The following DNA2 variants were observed in gnomAD, a reference collection of about 807,000 sequenced individuals.
The protein encoded by DNA2 is DNA replication helicase/nuclease 2, also known as DNA replication ATP-dependent helicase/nuclease DNA2.
A neutral mutation model predicts 119.1 loss-of-function variants in DNA2; 101 were observed. The ratio of observed to expected loss-of-function variants is 0.85; its 90% CI spans 0.72 to 1.00. The LOEUF (loss-of-function observed/expected upper bound fraction) is 1.00. Ranked by LOEUF, DNA2 falls within the 50% of genes least tolerant of loss-of-function variation. DNA2 has a pLI of 0.00. For missense variants in DNA2, 1,121 were observed against 1,255.5 expected (o/e 0.89, Z 1.62); for synonymous variants, 366 against 424.4 (o/e 0.86, Z 1.69).
At chr10:68,426,739 T>C (rs993860091) in intron 14 of DNA2, among the ~76,000 whole-genome samples, 15 of 151,652 alleles carry the variant, frequency 9.9e-5, no homozygotes, top group Non-Finnish European at 1.9e-4. Context: ...CTTGGGAGGC[T>C]GAGGCAGGAG....
At chr10:68,424,143 C>G (rs2051703247) in intron 14 of DNA2, among the ~76,000 whole-genome samples, 1 of 151,734 alleles carries the variant, frequency 6.6e-6, no homozygotes, top group South Asian at 2.1e-4. Flanking sequence ...GAATATGAAC[C>G]AAAAAACAAA....
chr10:68,426,396 G>A (rs1242270257), intron 14 of DNA2, among the ~76,000 whole-genome samples: 1 of 151,836 alleles, frequency 6.6e-6, no homozygotes, highest in Non-Finnish European at 1.5e-5. Context: ...AAATTAGCCA[G>A]GTATGGTGGC....
At chr10:68,455,271 T>G (rs2052168741) in intron 5 of DNA2, among the ~76,000 whole-genome samples, 2 of 152,050 alleles carry the variant, frequency 1.3e-5, no homozygotes, top group South Asian at 4.2e-4. Context: ...TACAGAACAT[T>G]CACAGAGACC....
intron 11 of DNA2, 31 bp downstream of exon 11, chr10:68,432,363 G>A (rs778199793): frequency 2.0e-5 from 31 of 1,561,030 alleles, no homozygotes; most frequent in Non-Finnish European, 2.6e-5. Context: ...GAAAAGTGGA[G>A]TGAAATTCAA....
chr10:68,448,917 T>C (rs1166246708), intron 6 of DNA2, among the ~76,000 whole-genome samples: 2 of 150,912 alleles, frequency 1.3e-5, no homozygotes, highest in Non-Finnish European at 3.0e-5. Context: ...ACTACAGGCA[T>C]GTGCCACCAC....
intron 6 of DNA2, among the ~76,000 whole-genome samples, chr10:68,448,932 GGTGTGTGTGTGTGTGT>G (rs776191186): frequency 1.4e-5 from 2 of 142,202 alleles, no homozygotes; most frequent in Non-Finnish European, 3.0e-5. Flanking sequence ...CACCACACCA[GGTGTGTGTGTGTGTGT>G]GTGTGTGTGT....
intron 1 of DNA2, among the ~76,000 whole-genome samples, chr10:68,471,078 T>G (rs2052376502): frequency 6.6e-6 from 1 of 152,194 alleles, no homozygotes; most frequent in South Asian, 2.1e-4. Context: ...GTCTTCCCCG[T>G]TTGACTGAGG....
chr10:68,421,832 A>C (rs1333833716), intron 17 of DNA2, among the ~76,000 whole-genome samples: 2 of 149,406 alleles, frequency 1.3e-5, no homozygotes, highest in African/African-American at 5.0e-5. Context: ...TTTTCCCCCC[A>C]AGATGGGAGT....
At chr10:68,423,665 G>A (rs1243885296) in intron 14 of DNA2, among the ~76,000 whole-genome samples, 7 of 152,264 alleles carry the variant, frequency 4.6e-5, no homozygotes, top group South Asian at 2.1e-4. Flanking sequence ...CCCACCAGGC[G>A]GGTGTCAGAG....
In DNA2 at chr10:68,465,820, A is replaced by C. The variant is rs764249450; in HGVS notation, c.442-8T>G. ...TGTGGCTGGATCAGAGCTCTACAAAAGCAAATCACACAGTTTATTTCACAA... is the reference window on the plus strand; with the variant it reads ...TGTGGCTGGATCAGAGCTCTACAAACGCAAATCACACAGTTTATTTCACAA... On this transcript the variant is annotated splice_polypyrimidine_tract_variant and splice_region_variant and intron_variant, in intron 3 of 20. Transcript: ENST00000358410. 6.6e-7 allele frequency: 1 copy of C among 1,518,012 alleles called. No individual in the cohort carries two copies. Among genetic ancestry groups the C allele is most frequent in the South Asian group, 1.4e-5 (1 of 73,600 alleles). 94.0% of individuals were successfully genotyped at this position (1,518,012 alleles called of 1,614,324 possible). A position where few individuals can be genotyped will look rare whatever the true frequency, so the allele number is the denominator to read the frequency against.
Position 68,432,410 on chromosome 10 carries a change from C to T in DNA2, c.1747G>A (p.Glu583Lys). The change falls in exon 11 of 21, where the codon GAA becomes AAA. Residue 583 changes from glutamate to lysine, a missense_variant. Transcript: ENST00000358410. ...TPLGNLSKLM[E>K]NTFVSKKLRD... Reference sequence around the variant, plus strand: ...GTTACAAACCTGACAAACGTGTTTTCCATCAATTTGGAAAGATTTCCTAAT... The same window carrying T: ...GTTACAAACCTGACAAACGTGTTTTTCATCAATTTGGAAAGATTTCCTAAT... The T allele has an allele frequency of 6.3e-7, 1 of 1,595,924 alleles. No individual in the cohort carries two copies. The highest frequency in any genetic ancestry group is 8.6e-7 in the Non-Finnish European group (1 of 1,168,630).
At position 68,422,340 on chromosome 10, in the gene DNA2, C is replaced by T. The variant is rs1273802326; in HGVS notation, c.2582G>A (p.Arg861His). 12 of 1,613,814 alleles carry T rather than the reference C, an allele frequency of 7.4e-6. 1 individual carries two copies. Among genetic ancestry groups the T allele is most frequent in the South Asian group, 6.6e-5 (6 of 91,070 alleles). The part of the protein sequence containing the change: ...DKVANAVINL[R>H]HFKDVKLELE... ...TTCCAGCTTCACATCTTTAAAGTGA[C>T]GTAGGTTTATCACTGCATTGGCCAC... The change falls in exon 17 of 21, where the codon CGT becomes CAT. Residue 861 changes from arginine to histidine, a missense_variant. By Grantham distance (29) the Arg-to-His change is conservative. Transcript: ENST00000358410.
chr10:68,430,706 T>A (rs2051809397), intron 13 of DNA2, 46 bp from the exon 14 acceptor site: 1 of 1,324,720 alleles, frequency 7.5e-7, no homozygotes. Flanking sequence ...TTACTTTTAA[T>A]TCCAGATAAT....
Position 68,432,497 on chromosome 10 carries a change from G to T in DNA2, c.1660C>A (p.Leu554Ile). 6.4e-7 allele frequency: 1 copy of T among 1,553,156 alleles called. No individual in the cohort carries two copies. Among genetic ancestry groups the T allele is most frequent in the African/African-American group, 1.4e-5 (1 of 73,388 alleles). Reference protein sequence around the residue: ...TCLLDRNLSVLPESTLFRLDQ... With the variant: ...TCLLDRNLSVIPESTLFRLDQ... ...AATCTGAACAAAGTTGATTCTGGAA[G>T]GACCGACAAGTTTCTAAAACAACAA... is the stretch of plus-strand genomic sequence containing the variant. Residue 554 changes from leucine to isoleucine, a missense_variant, in exon 11 of 21, where the codon CTT (leucine) becomes ATT (isoleucine). Coordinates refer to ENST00000358410, the MANE Select transcript of DNA2 (RefSeq NM_001080449.3).
chr10:68,461,436 C>T (rs2052256938), intron 4 of DNA2: 3 of 152,044 alleles, frequency 2.0e-5, no homozygotes, highest in Admixed American at 2.0e-4. Context: ...AGAACGCAGC[C>T]GATCTCATCT....
chr10:68,434,826 G>A (rs905710925), intron 10 of DNA2, among the ~76,000 whole-genome samples: 4 of 152,118 alleles, frequency 2.6e-5, no homozygotes, highest in Non-Finnish European at 4.4e-5. Flanking sequence ...GACAAGGGGT[G>A]GTTATGACTC....
chr10:68,440,414 C>T (rs1048493763), intron 9 of DNA2, among the ~76,000 whole-genome samples: 1 of 152,054 alleles, frequency 6.6e-6, no homozygotes, highest in Non-Finnish European at 1.5e-5. Flanking sequence ...TCTCCTGCCT[C>T]AGCCTTGGGA....
At chr10:68,458,717 AG>A (rs1162937299) in intron 5 of DNA2, among the ~76,000 whole-genome samples, 4 of 148,614 alleles carry the variant, frequency 2.7e-5, no homozygotes, top group Admixed American at 6.8e-5. Flanking sequence ...GTGTGGTGGC[AG>A]GCGCCTGTAA....
intron 10 of DNA2, among the ~76,000 whole-genome samples, chr10:68,435,526 G>C (rs1326311601): frequency 6.6e-6 from 1 of 151,954 alleles, no homozygotes. Flanking sequence ...GTGCAATCTC[G>C]GCTCACTGAA....
Sources: allele counts gnomAD v4.1 joint callset (sites outside exome capture counted in the v4.1 genomes callset), GRCh38; gene constraint gnomAD v4.1.1; transcripts MANE v1.5; gene names NCBI Gene and HGNC (gene_info 2026-07-23, HGNC 2026-07-21).